RBFOX1: variants seen among roughly 807,000 people sequenced by gnomAD.
RBFOX1 encodes the protein RNA binding protein fox-1 homolog 1.
Under a neutral mutation model 57.7 loss-of-function variants are expected in RBFOX1, and 8 were observed. That is an observed-to-expected ratio of 0.14 (90% CI 0.08 to 0.25). The LOEUF (loss-of-function observed/expected upper bound fraction) is 0.25. Among genes scored for constraint, RBFOX1 ranks in the 10% least tolerant of loss-of-function variants. RBFOX1 has a pLI of 1.00. For missense variants in RBFOX1, 611 were observed against 548.5 expected, an observed-to-expected ratio of 1.11 and a Z score of -1.14; for synonymous variants, 326 against 222.4, an observed-to-expected ratio of 1.47 and a Z score of -4.15.
chr16:5,734,777 C>A (rs868078973), intron 3 of RBFOX1, among the ~76,000 whole-genome samples: 2 of 152,038 alleles, frequency 1.3e-5, no homozygotes, highest in African/African-American at 2.4e-5. Context: ...AATAGCATAT[C>A]CTTGGCTTGG....
At chr16:7,221,838 A>G (rs148786044) in intron 4 of RBFOX1, among the ~76,000 whole-genome samples, 13 of 152,312 alleles carry the variant, frequency 8.5e-5, no homozygotes, top group African/African-American at 3.1e-4. Flanking sequence ...TGAAAAGTTG[A>G]TTTCCCTCCT....
At chr16:7,508,222 C>T (rs1413175458) in intron 4 of RBFOX1, among the ~76,000 whole-genome samples, 1 of 152,026 alleles carries the variant, frequency 6.6e-6, no homozygotes. Context: ...AAGCGATCCG[C>T]ACGCCTCGGC....
intron 3 of RBFOX1, among the ~76,000 whole-genome samples, chr16:5,664,074 A>C (rs1596648904): frequency 6.6e-6 from 1 of 152,026 alleles, no homozygotes; most frequent in African/African-American, 2.4e-5. Flanking sequence ...GTAGAGACCC[A>C]CCCTTCTCGG....
chr16:5,951,851 C>T (rs190960595), intron 4 of RBFOX1, among the ~76,000 whole-genome samples: 24 of 149,730 alleles, frequency 1.6e-4, no homozygotes, highest in Admixed American at 1.1e-3. Context: ...GTAGTGTGTG[C>T]GCGTGTGTGT....
intron 2 of RBFOX1, among the ~76,000 whole-genome samples, chr16:6,534,531 G>A (rs927930626): frequency 6.6e-6 from 1 of 152,120 alleles, no homozygotes; most frequent in African/African-American, 2.4e-5. Flanking sequence ...ATTGGGAAAG[G>A]ACATCCTGTT....
At chr16:6,439,415 C>A (rs189534217) in intron 2 of RBFOX1, among the ~76,000 whole-genome samples, 1 of 152,176 alleles carries the variant, frequency 6.6e-6, no homozygotes, top group Non-Finnish European at 1.5e-5. Context: ...GCTCTTACCC[C>A]GGGCTGTGCC....
At chr16:7,345,712 T>G (rs2096986508) in intron 4 of RBFOX1, among the ~76,000 whole-genome samples, 1 of 152,200 alleles carries the variant, frequency 6.6e-6, no homozygotes, top group Admixed American at 6.5e-5. Flanking sequence ...AGCCTTTCAT[T>G]ACTGAGGATA....
At chr16:6,829,126 T>C (rs932394487) in intron 3 of RBFOX1, among the ~76,000 whole-genome samples, 1 of 151,792 alleles carries the variant, frequency 6.6e-6, no homozygotes, top group African/African-American at 2.4e-5. Flanking sequence ...AGAGTCCCTA[T>C]AGGTAATTGT....
chr16:6,804,532 A>G (rs1042386179), intron 3 of RBFOX1, among the ~76,000 whole-genome samples: 3 of 152,198 alleles, frequency 2.0e-5, no homozygotes, highest in African/African-American at 7.2e-5. Context: ...CAAATAAAGA[A>G]TTCTAAATTG....
chr16:6,746,372 C>G lies in RBFOX1; in HGVS notation c.-16+91722C>G, dbSNP rs576070738. ...TATGATTTGCAGACTTAATGGAAAG[C>G]TACAATAATCAAGAAAGTGGTGCGC... On this transcript the variant is annotated intron_variant, in intron 3 of 15. Coordinates refer to ENST00000550418, the MANE Select transcript of RBFOX1 (RefSeq NM_018723.4). 7.2e-5 allele frequency among the ~76,000 whole-genome samples: 11 copies of G among 152,120 alleles called. No individual in the cohort carries two copies. In the East Asian group the frequency reaches 1.9e-3, roughly 27 times the overall value.
At chr16:6,835,016 C>A (rs1182758032) in intron 3 of RBFOX1, among the ~76,000 whole-genome samples, 1 of 151,918 alleles carries the variant, frequency 6.6e-6, no homozygotes, top group African/African-American at 2.4e-5. Flanking sequence ...CCTCAGCCTC[C>A]TGAGTAGCTG....
chr16:6,914,192 C>G (rs1455946128), intron 3 of RBFOX1, among the ~76,000 whole-genome samples: 1 of 152,160 alleles, frequency 6.6e-6, no homozygotes, highest in East Asian at 1.9e-4. Flanking sequence ...TCATTTCCTT[C>G]TAAAATACCT....
At chr16:7,191,763 A>T (rs925486017) in intron 4 of RBFOX1, among the ~76,000 whole-genome samples, 1 of 152,240 alleles carries the variant, frequency 6.6e-6, no homozygotes, top group Non-Finnish European at 1.5e-5. Context: ...GAAATAATTG[A>T]GTATGAAGCC....
At chr16:6,757,826 T>C (rs902682732) in intron 3 of RBFOX1, among the ~76,000 whole-genome samples, 2 of 152,120 alleles carry the variant, frequency 1.3e-5, no homozygotes, top group African/African-American at 4.8e-5. Context: ...AAATGACAAA[T>C]GTTTGAGGTG....
chr16:6,622,348 C>T (rs946235671), intron 2 of RBFOX1, among the ~76,000 whole-genome samples: 2 of 152,052 alleles, frequency 1.3e-5, no homozygotes, highest in African/African-American at 2.4e-5. Flanking sequence ...TTTTATCGTA[C>T]CTTTTCTATG....
chr16:6,483,566 CT>C, intron 2 of RBFOX1: 1 of 1,528,736 alleles, frequency 6.5e-7, no homozygotes, highest in African/African-American at 1.4e-5. Context: ...GAAGAAGACT[CT>C]AAAACACTGT....
chr16:6,534,267 G>C (rs781545313), intron 2 of RBFOX1, among the ~76,000 whole-genome samples: 1 of 152,146 alleles, frequency 6.6e-6, no homozygotes, highest in Non-Finnish European at 1.5e-5. Flanking sequence ...ATGTGTGTGT[G>C]TGTGTGTGTG....
chr16:5,682,025 A>C (rs572171451), intron 3 of RBFOX1, among the ~76,000 whole-genome samples: 1 of 152,248 alleles, frequency 6.6e-6, no homozygotes, highest in Admixed American at 6.5e-5. Context: ...CCTGGGGTTG[A>C]TATTAGAATG....
intron 1 of RBFOX1, among the ~76,000 whole-genome samples, chr16:5,321,318 T>G (rs1049830995): frequency 1.9e-5 from 2 of 103,238 alleles, no homozygotes; most frequent in South Asian, 4.6e-4. Context: ...ATATAAGAGA[T>G]AACTTTTGTT....
Sources: allele counts gnomAD v4.1 joint callset (sites outside exome capture counted in the v4.1 genomes callset), GRCh38; gene constraint gnomAD v4.1.1; transcripts MANE v1.5; gene names NCBI Gene and HGNC (gene_info 2026-07-23, HGNC 2026-07-21).